Variants in DHTKD1 observed in about 807,000 individuals in gnomAD.
DHTKD1 encodes the protein dehydrogenase E1 and transketolase domain containing 1.
DHTKD1 carries 78 observed loss-of-function variants against 101.8 expected under a neutral mutation model. That is an observed-to-expected ratio of 0.77 (90% CI 0.64 to 0.93). The LOEUF is 0.93. Ranked by LOEUF, DHTKD1 falls within the 40% of genes least tolerant of loss-of-function variation. The probability of loss-of-function intolerance (pLI) is 0.00; values close to 1 mark genes in which losing one functional copy is unlikely to be tolerated. For missense variants in DHTKD1, 1,223 were observed against 1,161.7 expected, an observed-to-expected ratio of 1.05 and a Z score of -0.77; for synonymous variants, 462 against 450.3, an observed-to-expected ratio of 1.03 and a Z score of -0.33.
chr10:12,076,674 C>T (rs1564387666), intron 1 of DHTKD1, among the ~76,000 whole-genome samples: 1 of 151,352 alleles, frequency 6.6e-6, no homozygotes, highest in South Asian at 2.1e-4. Context: ...TTCTTTTTTT[C>T]TCGGGACGGA....
At chr10:12,113,864 G>A (rs1228362803) in intron 13 of DHTKD1, among the ~76,000 whole-genome samples, 1 of 152,100 alleles carries the variant, frequency 6.6e-6, no homozygotes, top group Non-Finnish European at 1.5e-5. Context: ...AGGCTGCAGT[G>A]ACGTATGACC....
intron 5 of DHTKD1, among the ~76,000 whole-genome samples, 160 bp from the exon 6 acceptor site, chr10:12,091,353 A>C (rs1270084777): frequency 7.0e-6 from 1 of 141,878 alleles, no homozygotes; most frequent in Non-Finnish European, 1.5e-5. Context: ...CAGAGGATGC[A>C]GTGAGCTGAG....
In DHTKD1 at chr10:12,087,458, A is replaced by G. The variant is rs1832919544; in HGVS notation, c.523-77A>G. The G allele has an allele frequency of 9.1e-6, 12 of 1,318,196 alleles. No individual in the cohort carries two copies. In the South Asian group the frequency reaches 1.3e-4, roughly 14 times the overall value. 81.7% of individuals were successfully genotyped at this position (1,318,196 alleles called of 1,614,324 possible). ...GGGGAGTGTGGGGCCATCTCACAAC[A>G]CACACAGACTTATCTGCCTTCCACT... is the stretch of plus-strand genomic sequence containing the variant. On this transcript the variant is annotated intron_variant, in intron 3 of 16. Transcript: ENST00000263035. The surrounding 1 kb of genome is among the most constrained non-coding windows in gnomAD (Gnocchi z 5.2).
chr10:12,082,991 ATT>A (rs1231318323), intron 2 of DHTKD1, among the ~76,000 whole-genome samples: 2 of 152,028 alleles, frequency 1.3e-5, no homozygotes, highest in African/African-American at 2.4e-5. Flanking sequence ...TAACAAAAAA[ATT>A]AGCTGAGTGT....
chr10:12,089,760 T>G (rs1251286645), intron 5 of DHTKD1, among the ~76,000 whole-genome samples: 2 of 152,076 alleles, frequency 1.3e-5, no homozygotes, highest in African/African-American at 4.8e-5. Context: ...AACCTCTGCC[T>G]CCTGGGTTCA....
In DHTKD1 at chr10:12,117,694, G is replaced by A; in HGVS notation, c.2341G>A (p.Glu781Lys). The change falls in exon 14 of 17, where the codon GAA (glutamate) becomes AAA (lysine). Residue 781 changes from glutamate to lysine, a missense_variant. Physicochemically the swap from Glu to Lys is moderately conservative, Grantham distance 56 (BLOSUM62 1). Coordinates refer to ENST00000263035, the MANE Select transcript of DHTKD1 (RefSeq NM_018706.7). ...RLPAAVSTLQ[E>K]MAPGTTFNPV... ...GTAGGCAGCCGTGTCAACTCTTCAA[G>A]AAATGGCACCAGGAACAACATTTAA... 6.2e-7 allele frequency: 1 copy of A among 1,606,928 alleles called. No individual in the cohort carries two copies. Among genetic ancestry groups the A allele is most frequent in the South Asian group, 1.1e-5 (1 of 89,968 alleles).
chr10:12,078,258 C>G (rs1024404019), intron 1 of DHTKD1, among the ~76,000 whole-genome samples: 4 of 151,938 alleles, frequency 2.6e-5, no homozygotes, highest in Non-Finnish European at 4.4e-5. Context: ...AACCTCTTCT[C>G]TACTAAAAAT....
chr10:12,098,708 G>A (rs1564394270), intron 8 of DHTKD1, among the ~76,000 whole-genome samples: 1 of 152,150 alleles, frequency 6.6e-6, no homozygotes, highest in Non-Finnish European at 1.5e-5. Context: ...GGGATTACAG[G>A]CATGTGCCAC....
rs532551107 is a variant in DHTKD1, at chr10:12,120,915, C to A, written c.*27C>A. The A allele has an allele frequency of 6.2e-7, 1 of 1,607,536 alleles. No individual in the cohort carries two copies. The highest frequency in any genetic ancestry group is 8.5e-7 in the Non-Finnish European group (1 of 1,175,490). ...GATGACTTTTGAAGAAACACTATTT[C>A]TCTTTAAGAAAATGGCCATTAAGGC... On this transcript the variant is annotated 3_prime_UTR_variant, in exon 17 of 17. Coordinates refer to ENST00000263035, the MANE Select transcript of DHTKD1 (RefSeq NM_018706.7).
chr10:12,096,406 G>A (rs2131364330), intron 7 of DHTKD1, among the ~76,000 whole-genome samples: 1 of 152,154 alleles, frequency 6.6e-6, no homozygotes, highest in East Asian at 1.9e-4. Context: ...ATTTTTTTGA[G>A]ACACGGTCTT....
At chr10:12,091,897 C>T (rs1480744536) in intron 6 of DHTKD1, among the ~76,000 whole-genome samples, 10 of 152,034 alleles carry the variant, frequency 6.6e-5, no homozygotes, top group African/African-American at 1.4e-4. Flanking sequence ...TTCTGCCTCC[C>T]GAGTTCAAGT....
chr10:12,094,518 G>T (rs939756303), intron 7 of DHTKD1, among the ~76,000 whole-genome samples: 1 of 150,222 alleles, frequency 6.7e-6, no homozygotes, highest in African/African-American at 2.4e-5. Context: ...ATACTTTTTA[G>T]TAGAGATGGA....
chr10:12,115,908 G>A (rs1423716754), intron 13 of DHTKD1, among the ~76,000 whole-genome samples: 2 of 151,266 alleles, frequency 1.3e-5, no homozygotes, highest in African/African-American at 4.9e-5. Flanking sequence ...ACTATTAGGT[G>A]TGTGCCACCA....
intron 15 of DHTKD1, among the ~76,000 whole-genome samples, chr10:12,119,497 T>C (rs1341814586): frequency 6.7e-6 from 1 of 149,162 alleles, no homozygotes; most frequent in African/African-American, 2.5e-5. Flanking sequence ...GCGCCTGTAG[T>C]CCCAGCTACT....
chr10:12,100,290 T>TTTTTTTTTTTG (rs1554793018), intron 9 of DHTKD1, 28 bp downstream of exon 9: 3 of 843,556 alleles, frequency 3.6e-6, no homozygotes, highest in Admixed American at 2.9e-5. Flanking sequence ...TTTTTCTGTT[T>TTTTTTTTTTTG]TTTTTTTTTT....
In DHTKD1 at chr10:12,081,958, T is replaced by C. The variant is rs528830175; in HGVS notation, c.310+331T>C. ...CTGGGCAACATAGTGAGACTGTCTC[T>C]ACAAAAAAAAAAAAAAAAAATAACT... On this transcript the variant is annotated intron_variant, in intron 2 of 16. Coordinates refer to ENST00000263035, the MANE Select transcript of DHTKD1 (RefSeq NM_018706.7). Among the ~76,000 whole-genome samples, 6 of 131,880 alleles carry C rather than the reference T, an allele frequency of 4.5e-5. No homozygotes were observed. In the East Asian group the frequency reaches 1.3e-3, roughly 29 times the overall value. The allele number at this position is 131,880 out of a possible 152,430, so 86.5% of individuals were successfully genotyped here. A position where few individuals can be genotyped will look rare whatever the true frequency, so the allele number is the denominator to read the frequency against.
Position 12,069,684 on chromosome 10 carries a change from CTTTT to C in DHTKD1, c.154+520_154+523del, listed in dbSNP as rs11292752. ...GACACAGAGGGATGACCACGCCCAG[CTTTT>C]TTTTTTTTTTTTTTTTTTTTTTCAT... On this transcript the variant is annotated intron_variant, in intron 1 of 16. Transcript: ENST00000263035. Among the ~76,000 whole-genome samples the C allele has an allele frequency of 4.3e-4, 11 of 25,486 alleles. No homozygotes were observed. In the East Asian group the frequency reaches 0.015, roughly 34 times the overall value. The allele number at this position is 25,486 out of a possible 152,430, so 16.7% of individuals were successfully genotyped here.
rs1832989571 is a variant in DHTKD1, at chr10:12,091,494, C to T, written c.988-19C>T. 1 of 1,569,078 alleles carries T rather than the reference C, an allele frequency of 6.4e-7. No individual in the cohort carries two copies. The highest frequency in any genetic ancestry group is 8.7e-7 in the Non-Finnish European group (1 of 1,152,982). ...ATGTTTCTTTTCTCCCCACCCGCTC[C>T]CCTTGCCTCATGATTTAGGTCCATG... On this transcript the variant is annotated intron_variant, in intron 5 of 16. Coordinates refer to ENST00000263035, the MANE Select transcript of DHTKD1 (RefSeq NM_018706.7).
In DHTKD1 at chr10:12,081,617, C is replaced by T; in HGVS notation, c.300C>T (p.Phe100=). 1.2e-6 allele frequency: 2 copies of T among 1,614,128 alleles called. No individual in the cohort carries two copies. Among genetic ancestry groups the T allele is most frequent in the South Asian group, 2.2e-5 (2 of 91,086 alleles). Residue 100 remains phenylalanine, a synonymous_variant, in exon 2 of 17, where the codon TTC becomes TTT. Coordinates refer to ENST00000263035, the MANE Select transcript of DHTKD1 (RefSeq NM_018706.7). The part of the protein sequence containing the change: ...QALVQTLQGP[F]HTAGLLNMGK... ...TGGTGCAGACACTGCAGGGACCCTT[C>T]CACACGGCAGGTATGGCTTCTGCAC...
Sources: gnomAD v4.1 joint callset for allele counts (sites outside exome capture counted in the v4.1 genomes callset) on GRCh38, gnomAD v4.1.1 for gene constraint, Gnocchi (gnomAD v3.1) non-coding constraint, MANE v1.5 for transcripts, NCBI Gene and HGNC (gene_info 2026-07-23, HGNC 2026-07-21) for gene names.